The following RAB2A variants were observed in gnomAD, a reference collection of about 807,000 sequenced individuals.
RAB2A encodes RAB2A, member RAS oncogene family.
Under a neutral mutation model 32.5 loss-of-function variants are expected in RAB2A, and 7 were observed. The ratio of observed to expected loss-of-function variants is 0.22; its 90% CI spans 0.12 to 0.40. The LOEUF is 0.40. Ranked by LOEUF, RAB2A falls within the 10% of genes least tolerant of loss-of-function variation. RAB2A has a pLI of 1.00. For synonymous variants in RAB2A, 79 were observed against 85.2 expected, an observed-to-expected ratio of 0.93 and a Z score of 0.40; for missense variants, 108 against 260.7, an observed-to-expected ratio of 0.41 and a Z score of 4.03.
At chr8:60,592,544 A>G (rs1030976587) in intron 6 of RAB2A, among the ~76,000 whole-genome samples, 17 of 152,190 alleles carry the variant, frequency 1.1e-4, no homozygotes, top group Non-Finnish European at 2.2e-4. Context: ...AACTGTCAAT[A>G]TATTACCACA....
intron 1 of RAB2A, among the ~76,000 whole-genome samples, chr8:60,549,880 G>GA (rs56003361): frequency 1.7e-3 from 241 of 139,584 alleles, no homozygotes; most frequent in African/African-American, 3.1e-3. Context: ...TCCTCCTTTT[G>GA]AAAAAAAAAA....
At chr8:60,584,084 TTAAGTTTTCTTGTC>T in intron 3 of RAB2A, 110 bp from the exon 4 acceptor site, 1 of 769,828 alleles carries the variant, frequency 1.3e-6, no homozygotes, top group Middle Eastern at 2.7e-4. Flanking sequence ...ACTGGTGAAG[TTAAGTTTTCTTGTC>T]TCTCTTTATG....
In RAB2A at chr8:60,536,129, A is replaced by G. The variant is rs144905820; in HGVS notation, c.46+18876A>G. On this transcript the variant is annotated intron_variant, in intron 1 of 7. Transcript: ENST00000262646. Reference sequence around the variant, plus strand: ...AGGTACTGCCAAATTACCATCCATTAAAAGTATGAATTTAGAAAGAATATT... The same window carrying G: ...AGGTACTGCCAAATTACCATCCATTGAAAGTATGAATTTAGAAAGAATATT... Among the ~76,000 whole-genome samples, 238 of 152,340 alleles carry G rather than the reference A, an allele frequency of 1.6e-3. 1 individual carries two copies. Among genetic ancestry groups the G allele is most frequent in the African/African-American group, 5.4e-3 (226 of 41,574 alleles).
chr8:60,584,080 GAAGTT>G, intron 3 of RAB2A, 123 bp from the exon 4 acceptor site: 2 of 739,006 alleles, frequency 2.7e-6, no homozygotes, highest in Admixed American at 2.3e-5. Context: ...TAAGACTGGT[GAAGTT>G]AAGTTTTCTT....
chr8:60,619,545 C>G (rs538951244), intron 7 of RAB2A, among the ~76,000 whole-genome samples: 1 of 152,246 alleles, frequency 6.6e-6, no homozygotes, highest in Non-Finnish European at 1.5e-5. Flanking sequence ...CCTAAGGTTT[C>G]CAAAAAGTAC....
intron 1 of RAB2A, among the ~76,000 whole-genome samples, chr8:60,539,286 A>G (rs1807602538): frequency 6.6e-6 from 1 of 152,220 alleles, no homozygotes. Context: ...GTATAGAGTA[A>G]TTTGGCCTTA....
Position 60,620,916 on chromosome 8 carries a change from A to G in RAB2A, c.*147A>G, listed in dbSNP as rs932773705. 3.2e-6 allele frequency: 2 copies of G among 616,720 alleles called. No individual in the cohort carries two copies. Among genetic ancestry groups the G allele is most frequent in the Non-Finnish European group, 5.4e-6 (2 of 370,914 alleles). 38.2% of individuals were successfully genotyped at this position (616,720 alleles called of 1,614,324 possible). A position where few individuals can be genotyped will look rare whatever the true frequency, so the allele number is the denominator to read the frequency against. ...TCCGTCAAATTCTTGTATAACTTTGAATAAATGGTTAATGTTCACTTAAAA... is the reference window on the plus strand; with the variant it reads ...TCCGTCAAATTCTTGTATAACTTTGGATAAATGGTTAATGTTCACTTAAAA... On this transcript the variant is annotated 3_prime_UTR_variant, in exon 8 of 8. Coordinates refer to ENST00000262646, the MANE Select transcript of RAB2A (RefSeq NM_002865.3).
intron 1 of RAB2A, among the ~76,000 whole-genome samples, chr8:60,555,972 A>G (rs1191480690): frequency 2.0e-5 from 3 of 152,250 alleles, no homozygotes; most frequent in Non-Finnish European, 2.9e-5. Flanking sequence ...GTCCAGCAGT[A>G]GATGAATGGA....
chr8:60,526,372 A>G lies in RAB2A; in HGVS notation c.46+9119A>G, dbSNP rs543644443. Among the ~76,000 whole-genome samples, 24 of 151,940 alleles carry G rather than the reference A, an allele frequency of 1.6e-4. No homozygotes were observed. The South Asian group carries it at 4.8e-3, about 30-fold the overall frequency. On this transcript the variant is annotated intron_variant, in intron 1 of 7. Transcript: ENST00000262646. ...ATGGCCCCCTTCCTCCATCTTCACAACCAACAACAGTGGGTCACGTCCTTC... is the reference window on the plus strand; with the variant it reads ...ATGGCCCCCTTCCTCCATCTTCACAGCCAACAACAGTGGGTCACGTCCTTC...
chr8:60,564,273 G>A (rs1304418470), intron 2 of RAB2A, among the ~76,000 whole-genome samples: 1 of 152,116 alleles, frequency 6.6e-6, no homozygotes, highest in African/African-American at 2.4e-5. Context: ...CCTGCATTGT[G>A]CCCTATAAAC....
chr8:60,601,135 G>A (rs1479661634), intron 6 of RAB2A, among the ~76,000 whole-genome samples: 2 of 152,128 alleles, frequency 1.3e-5, no homozygotes, highest in Non-Finnish European at 2.9e-5. Flanking sequence ...ACTAATGTTA[G>A]AATATGGAAT....
chr8:60,547,754 C>A (rs1170946673), intron 1 of RAB2A, among the ~76,000 whole-genome samples: 13 of 123,146 alleles, frequency 1.1e-4, no homozygotes, highest in South Asian at 2.9e-4. Context: ...GGCAGAGTGG[C>A]TCCTCACTTC....
chr8:60,530,887 C>T (rs1319116129), intron 1 of RAB2A, among the ~76,000 whole-genome samples: 1 of 141,988 alleles, frequency 7.0e-6, no homozygotes, highest in African/African-American at 2.6e-5. Context: ...ATGTATAGGT[C>T]ACCTATTCCT....
At chr8:60,603,511 A>G (rs1804173537) in intron 6 of RAB2A, among the ~76,000 whole-genome samples, 1 of 152,194 alleles carries the variant, frequency 6.6e-6, no homozygotes, top group African/African-American at 2.4e-5. Flanking sequence ...GGATCTGTTG[A>G]GGGGGAAAAG....
chr8:60,553,447 G>A (rs1807887388), intron 1 of RAB2A, among the ~76,000 whole-genome samples: 1 of 152,164 alleles, frequency 6.6e-6, no homozygotes, highest in Non-Finnish European at 1.5e-5. Context: ...CCAAACTGAT[G>A]CATCAAAAAG....
In RAB2A at chr8:60,548,831, C is replaced by G. The variant is rs552687914; in HGVS notation, c.47-10021C>G. ...CCGGGCGGGGGGCTGACCCCCCCAC[C>G]TCCCTCCCGGACGAGGTGGCTGCCG... On this transcript the variant is annotated intron_variant, in intron 1 of 7. Coordinates refer to ENST00000262646, the MANE Select transcript of RAB2A (RefSeq NM_002865.3). 1.2e-3 allele frequency among the ~76,000 whole-genome samples: 189 copies of G among 151,286 alleles called. 1 individual carries two copies. The highest frequency in any genetic ancestry group is 6.9e-3 in the Middle Eastern group (2 of 290).
intron 3 of RAB2A, among the ~76,000 whole-genome samples, chr8:60,574,677 C>T (rs544264694): frequency 3.3e-4 from 51 of 152,250 alleles, no homozygotes; most frequent in Admixed American, 9.8e-4. Context: ...TAGATTAACT[C>T]GTCATACATC....
intron 1 of RAB2A, among the ~76,000 whole-genome samples, chr8:60,533,633 A>T (rs1807513492): frequency 1.3e-5 from 2 of 152,168 alleles, no homozygotes; most frequent in African/African-American, 4.8e-5. Context: ...TATGCAAAGG[A>T]TAGAGATTTG....
chr8:60,576,238 A>C, intron 3 of RAB2A: 1 of 456,344 alleles, frequency 2.2e-6, no homozygotes, highest in East Asian at 6.9e-5. Context: ...TGCCAGGGGA[A>C]GTCAAAGAAG....
Sources: gnomAD v4.1 joint callset for allele counts (sites outside exome capture counted in the v4.1 genomes callset) on GRCh38, gnomAD v4.1.1 for gene constraint, MANE v1.5 for transcripts, NCBI Gene and HGNC (gene_info 2026-07-23, HGNC 2026-07-21) for gene names.